Variants in OSMR observed in about 807,000 individuals in gnomAD.
OSMR encodes oncostatin-M-specific receptor subunit beta.
In OSMR, 81 loss-of-function variants were observed where a neutral mutation model predicts 99.9. That is an observed-to-expected ratio of 0.81 (90% CI 0.68 to 0.97). The LOEUF is 0.97. Ranked by LOEUF, OSMR falls within the 50% of genes least tolerant of loss-of-function variation. OSMR has a pLI of 0.00. For synonymous variants in OSMR, 406 were observed against 410.4 expected, an observed-to-expected ratio of 0.99 and a Z score of 0.13; for missense variants, 1,099 against 1,153.4, an observed-to-expected ratio of 0.95 and a Z score of 0.68.
intron 2 of OSMR, among the ~76,000 whole-genome samples, chr5:38,875,037 A>G (rs1742703760): frequency 6.6e-6 from 1 of 152,242 alleles, no homozygotes; most frequent in Non-Finnish European, 1.5e-5. Flanking sequence ...TATCAAAATG[A>G]GATAATCTCT....
At chr5:38,940,564 T>C, downstream of OSMR, 1 of 232,532 alleles carries the variant, frequency 4.3e-6, no homozygotes, top group Non-Finnish European at 8.5e-6. Context: ...AAAAATTATT[T>C]ATCTTCAACT....
At chr5:38,918,588 C>T (rs1449125200) in intron 10 of OSMR, 3 of 220,004 alleles carry the variant, frequency 1.4e-5, no homozygotes, top group African/African-American at 2.3e-5. Flanking sequence ...CTGACCTGAG[C>T]ACTCTTCTCA....
rs1743304188 is a variant in OSMR, at chr5:38,881,759, T to A, written c.413T>A (p.Val138Asp). 10 of 1,613,854 alleles carry A rather than the reference T, an allele frequency of 6.2e-6. No individual in the cohort carries two copies. Among genetic ancestry groups the A allele is most frequent in the Non-Finnish European group, 8.5e-6 (10 of 1,179,722 alleles). Residue 138 changes from valine (V) to aspartate (D), a missense_variant, in exon 4 of 18, where the codon GTC (valine) becomes GAC (aspartate). Coordinates refer to ENST00000274276, the MANE Select transcript of OSMR (RefSeq NM_003999.3). ...FWSNWSSWEEVSVQDSTGQDI... is the reference protein window; with the variant it reads ...FWSNWSSWEEDSVQDSTGQDI... The stretch of plus-strand genomic sequence containing the variant: ...AGCAACTGGAGTTCCTGGGAGGAAG[T>A]CAGTGGTAAGAAGTGAGGTGGTTAC...
intron 1 of OSMR, among the ~76,000 whole-genome samples, chr5:38,867,496 C>G (rs1450223041): frequency 2.6e-5 from 4 of 152,212 alleles, no homozygotes; most frequent in Admixed American, 2.6e-4. Context: ...TTGTTGCCCT[C>G]TGCTGAGTCA....
At chr5:38,911,539 G>A (rs1362997871) in intron 9 of OSMR, among the ~76,000 whole-genome samples, 1 of 152,122 alleles carries the variant, frequency 6.6e-6, no homozygotes, top group East Asian at 1.9e-4. Context: ...CTGAGTTGGG[G>A]GACTCCTCCC....
exon 3 of OSMR, chr5:38,944,964 C>T (rs2112807554): frequency 3.1e-6 from 5 of 1,613,928 alleles, no homozygotes; most frequent in Non-Finnish European, 4.2e-6. Flanking sequence ...TCTTGAGACA[C>T]CCCATCACTG....
downstream of OSMR, among the ~76,000 whole-genome samples, chr5:38,937,669 C>A (rs1418408710): frequency 6.6e-6 from 1 of 152,132 alleles, no homozygotes; most frequent in Non-Finnish European, 1.5e-5. This position sits in a 1 kb window ranked among gnomAD's most constrained non-coding sequence, Gnocchi z 4.0. Context: ...AAATTCAGAG[C>A]TATTCTATCT....
At chr5:38,892,786 C>T (rs1443159407) in intron 7 of OSMR, among the ~76,000 whole-genome samples, 2 of 152,052 alleles carry the variant, frequency 1.3e-5, no homozygotes, top group African/African-American at 4.8e-5. Flanking sequence ...CTAGGAGTCA[C>T]AAGTCCTAGA....
chr5:38,861,270 C>G (rs1016497308), intron 1 of OSMR, among the ~76,000 whole-genome samples: 1 of 150,596 alleles, frequency 6.6e-6, no homozygotes, highest in African/African-American at 2.5e-5. Context: ...CCCTGCGGGC[C>G]TTCCGCAGTG....
intron 9 of OSMR, among the ~76,000 whole-genome samples, chr5:38,909,162 A>C (rs908815763): frequency 6.6e-6 from 1 of 152,252 alleles, no homozygotes; most frequent in Admixed American, 6.5e-5. Flanking sequence ...CTCAAAGACC[A>C]GTTCTTCAAT....
intron 1 of OSMR, among the ~76,000 whole-genome samples, chr5:38,852,969 G>A (rs1046047631): frequency 2.6e-5 from 4 of 151,578 alleles, no homozygotes; most frequent in African/African-American, 9.7e-5. Context: ...CTGACCTCGT[G>A]ATCCGCCCGC....
chr5:38,852,718 ATTTTTTTTTTT>A (rs61559728), intron 1 of OSMR, among the ~76,000 whole-genome samples: 14 of 70,658 alleles, frequency 2.0e-4, no homozygotes, highest in Admixed American at 6.2e-4. Context: ...TATTGTTTTC[ATTTTTTTTTTT>A]TTTTTTTTTT....
intron 9 of OSMR, among the ~76,000 whole-genome samples, chr5:38,905,453 A>G (rs1198725601): frequency 1.3e-5 from 2 of 150,854 alleles, no homozygotes; most frequent in Non-Finnish European, 2.9e-5. Flanking sequence ...GTGCCACTGC[A>G]CTCCAGCCTG....
At chr5:38,906,503 A>G (rs962216206) in intron 9 of OSMR, among the ~76,000 whole-genome samples, 1 of 152,218 alleles carries the variant, frequency 6.6e-6, no homozygotes, top group Non-Finnish European at 1.5e-5. Flanking sequence ...AGTGCTATCA[A>G]CTGTATTGTA....
intron 9 of OSMR, among the ~76,000 whole-genome samples, chr5:38,915,284 G>A (rs570026125): frequency 7.2e-5 from 11 of 152,290 alleles, no homozygotes; most frequent in African/African-American, 2.6e-4. Context: ...AAATTTGACA[G>A]CACTGGGATA....
chr5:38,862,790 C>T (rs1741569387), intron 1 of OSMR, among the ~76,000 whole-genome samples: 1 of 152,136 alleles, frequency 6.6e-6, no homozygotes, highest in African/African-American at 2.4e-5. Context: ...GCAATCTCGG[C>T]ACTTTGGGAG....
intron 15 of OSMR, among the ~76,000 whole-genome samples, chr5:38,927,426 TC>T (rs1043580071): frequency 5.9e-5 from 9 of 152,178 alleles, no homozygotes; most frequent in Non-Finnish European, 1.0e-4. Flanking sequence ...AGGCGGAGGT[TC>T]CCAAACCTCA....
intron 9 of OSMR, 67 bp from the exon 10 acceptor site, chr5:38,917,478 GA>G: frequency 1.3e-6 from 2 of 1,594,338 alleles, no homozygotes; most frequent in Admixed American, 1.7e-5. Context: ...GACCGTCCTA[GA>G]AAAAGGTTGA....
At chr5:38,917,397 T>TGG in intron 9 of OSMR, 149 bp from the exon 10 acceptor site, 1 of 1,455,534 alleles carries the variant, frequency 6.9e-7, no homozygotes, top group Non-Finnish European at 9.1e-7. Flanking sequence ...TGTGGACCAG[T>TGG]GGGTAGAAGT....
Sources: allele counts gnomAD v4.1 joint callset (sites outside exome capture counted in the v4.1 genomes callset), GRCh38; gene constraint gnomAD v4.1.1; non-coding constraint Gnocchi (gnomAD v3.1); transcripts MANE v1.5; gene names NCBI Gene and HGNC (gene_info 2026-07-23, HGNC 2026-07-21).